The following CLSTN2 variants were observed in gnomAD, a reference collection of about 807,000 sequenced individuals.
CLSTN2 encodes the protein calsyntenin-2.
Under a neutral mutation model 101.2 loss-of-function variants are expected in CLSTN2, and 48 were observed. The observed-to-expected ratio is 0.47, with a 90% CI of 0.38 to 0.60. The LOEUF is 0.60. CLSTN2 is among the 20% of genes least tolerant of loss of function. CLSTN2 has a pLI of 0.00. For synonymous variants in CLSTN2, 481 were observed against 463.6 expected (o/e 1.04, Z -0.48); for missense variants, 1,160 against 1,238.2 (o/e 0.94, Z 0.95).
At chr3:140,355,737 C>T (rs2087664038) in intron 2 of CLSTN2, among the ~76,000 whole-genome samples, 1 of 152,134 alleles carries the variant, frequency 6.6e-6, no homozygotes, top group African/African-American at 2.4e-5. Context: ...AATGGGGATG[C>T]CATGGCTGTA....
At chr3:139,957,919 C>T (rs529136085) in intron 1 of CLSTN2, among the ~76,000 whole-genome samples, 26 of 152,240 alleles carry the variant, frequency 1.7e-4, no homozygotes, top group Admixed American at 1.7e-3. Flanking sequence ...CCGGGCGATC[C>T]CCTGTGTCAA....
chr3:139,975,931 A>G (rs1935808476), intron 1 of CLSTN2, among the ~76,000 whole-genome samples: 1 of 152,204 alleles, frequency 6.6e-6, no homozygotes, highest in Non-Finnish European at 1.5e-5. Context: ...TGTAATTCTT[A>G]TGACACAGTT....
At chr3:139,974,885 A>G (rs1405798265) in intron 1 of CLSTN2, among the ~76,000 whole-genome samples, 1 of 152,162 alleles carries the variant, frequency 6.6e-6, no homozygotes, top group African/African-American at 2.4e-5. Flanking sequence ...TAGGATATTC[A>G]TCTTAGAGAG....
intron 2 of CLSTN2, among the ~76,000 whole-genome samples, chr3:140,313,705 A>G (rs181774864): frequency 4.6e-5 from 7 of 152,364 alleles, no homozygotes; most frequent in African/African-American, 9.6e-5. Flanking sequence ...GGCTATTTCT[A>G]TACTCACAAA....
intron 2 of CLSTN2, among the ~76,000 whole-genome samples, chr3:140,300,029 T>G (rs1419791369): frequency 6.6e-6 from 1 of 152,214 alleles, no homozygotes; most frequent in Non-Finnish European, 1.5e-5. Context: ...GCTGAAAATG[T>G]TTCCCCCTTG....
At chr3:140,342,951 C>T (rs2087506633) in intron 2 of CLSTN2, among the ~76,000 whole-genome samples, 1 of 152,164 alleles carries the variant, frequency 6.6e-6, no homozygotes, top group South Asian at 2.1e-4. Context: ...ACTATGTTGC[C>T]TTTTATGGCC....
intron 1 of CLSTN2, among the ~76,000 whole-genome samples, chr3:140,167,069 A>G (rs900714100): frequency 1.3e-5 from 2 of 152,190 alleles, no homozygotes; most frequent in Non-Finnish European, 2.9e-5. Context: ...AGGCATCAAC[A>G]GCCACTACTT....
intron 5 of CLSTN2, among the ~76,000 whole-genome samples, chr3:140,442,753 A>C (rs936086022): frequency 7.9e-5 from 12 of 152,096 alleles, no homozygotes; most frequent in Admixed American, 3.9e-4. Context: ...CCCTCGCTAA[A>C]CATCCTATGT....
intron 2 of CLSTN2, among the ~76,000 whole-genome samples, chr3:140,287,983 G>A (rs1477407112): frequency 6.6e-6 from 1 of 152,108 alleles, no homozygotes; most frequent in African/African-American, 2.4e-5. Context: ...AATGGGTTTG[G>A]GTTGGGAAAG....
At chr3:139,975,284 C>A (rs769087109) in intron 1 of CLSTN2, among the ~76,000 whole-genome samples, 3 of 151,998 alleles carry the variant, frequency 2.0e-5, no homozygotes, top group Non-Finnish European at 4.4e-5. Context: ...AAGTGGGGGG[C>A]ACTAGGAAGA....
At chr3:140,251,579 C>CTTCCTTTCCT (rs1559819480) in intron 2 of CLSTN2, among the ~76,000 whole-genome samples, 6 of 52,986 alleles carry the variant, frequency 1.1e-4, no homozygotes, top group Non-Finnish European at 1.7e-4. Context: ...CAACTCTTAG[C>CTTCCTTTCCT]TTCCGTTCCT....
At chr3:140,160,663 T>A (rs1213875436) in intron 1 of CLSTN2, among the ~76,000 whole-genome samples, 1 of 152,082 alleles carries the variant, frequency 6.6e-6, no homozygotes, top group African/African-American at 2.4e-5. Context: ...TGTCTTATTA[T>A]CCCCAGAAGT....
chr3:140,546,412 G>A, intron 9 of CLSTN2, 103 bp from the exon 10 acceptor site: 1 of 1,188,524 alleles, frequency 8.4e-7, no homozygotes, highest in Non-Finnish European at 1.2e-6. Context: ...AGGTTCAGGG[G>A]ACACACAATC....
At chr3:140,483,728 G>A (rs1934178988) in intron 8 of CLSTN2, among the ~76,000 whole-genome samples, 1 of 152,012 alleles carries the variant, frequency 6.6e-6, no homozygotes, top group South Asian at 2.1e-4. Flanking sequence ...GATCTTTGTT[G>A]GTTTAAAGTC....
chr3:140,107,741 A>G (rs1326295423), intron 1 of CLSTN2, among the ~76,000 whole-genome samples: 1 of 152,164 alleles, frequency 6.6e-6, no homozygotes, highest in Admixed American at 6.5e-5. Context: ...CAAGGATGTA[A>G]GAGTCACATC....
At chr3:139,976,498 C>G (rs1935821185) in intron 1 of CLSTN2, among the ~76,000 whole-genome samples, 1 of 152,206 alleles carries the variant, frequency 6.6e-6, no homozygotes, top group Non-Finnish European at 1.5e-5. Context: ...AACTGAGGCT[C>G]AGGGACTTTA....
At chr3:140,562,694 C>A in intron 13 of CLSTN2, 117 bp from the exon 14 acceptor site, 1 of 1,107,788 alleles carries the variant, frequency 9.0e-7, no homozygotes, top group Non-Finnish European at 1.3e-6. Flanking sequence ...TGAGCTCTTA[C>A]CCTCAACAAA....
intron 1 of CLSTN2, among the ~76,000 whole-genome samples, chr3:140,174,053 C>T (rs530695632): frequency 2.0e-5 from 3 of 152,250 alleles, no homozygotes; most frequent in Admixed American, 1.3e-4. Context: ...TCTTTTCTAT[C>T]GCATTGTCAG....
intron 4 of CLSTN2, among the ~76,000 whole-genome samples, chr3:140,415,873 TC>T (rs112934416): frequency 3.5e-4 from 54 of 152,252 alleles, no homozygotes; most frequent in African/African-American, 1.3e-3. Flanking sequence ...GGGAAAATAA[TC>T]CAGTATCTTG....
Sources: gnomAD v4.1 joint callset for allele counts (sites outside exome capture counted in the v4.1 genomes callset) on GRCh38, gnomAD v4.1.1 for gene constraint, MANE v1.5 for transcripts, NCBI Gene and HGNC (gene_info 2026-07-23, HGNC 2026-07-21) for gene names.